GYG2: variants seen among roughly 807,000 people sequenced by gnomAD.
GYG2 encodes glycogenin-2.
Under a neutral mutation model 29.4 loss-of-function variants are expected in GYG2, and 29 were observed. The observed-to-expected ratio is 0.99, with a 90% CI of 0.74 to 1.35. The LOEUF is 1.35. Ranked by LOEUF, GYG2 falls within the 40% of genes most tolerant of loss-of-function variation. GYG2 has a pLI of 0.00. For missense variants in GYG2, 370 were observed against 385.7 expected, an observed-to-expected ratio of 0.96 and a Z score of 0.34; for synonymous variants, 167 against 172.3, an observed-to-expected ratio of 0.97 and a Z score of 0.24.
intron 7 of GYG2, among the ~76,000 whole-genome samples, chrX:2,860,922 GT>G (rs2088147933): frequency 9.1e-6 from 1 of 109,895 alleles, no homozygotes; most frequent in Admixed American, 9.7e-5. Flanking sequence ...TGGAGACGGG[GT>G]TTTGCCACGT....
chrX:2,877,499 G>A (rs1281227862), intron 10 of GYG2, 192 bp downstream of exon 10: 2 of 1,049,370 alleles, frequency 1.9e-6, no homozygotes, highest in South Asian at 2.9e-5. Context: ...GTGATCGGCC[G>A]ACTCTCTTTT....
chrX:2,873,542 T>TCTCCTC (rs893899518), intron 8 of GYG2, among the ~76,000 whole-genome samples: 5 of 109,864 alleles, frequency 4.6e-5, no homozygotes, highest in Non-Finnish European at 9.5e-5. Flanking sequence ...TCCTCCTCTT[T>TCTCCTC]CTCCTCCTCC....
chrX:2,871,552 T>C (rs902736478), intron 8 of GYG2, among the ~76,000 whole-genome samples: 4 of 110,189 alleles, frequency 3.6e-5, no homozygotes, highest in Admixed American at 9.7e-5. Flanking sequence ...TAGCTAGGCA[T>C]GGTGGCACGT....
Position 2,881,527 on chromosome X carries a change from G to A in GYG2, c.*314G>A, listed in dbSNP as rs1433978582. On this transcript the variant is annotated 3_prime_UTR_variant, in exon 11 of 11. Transcript: ENST00000398806. ...TCGATGGTGGTCTCCGCTCTTGCCC[G>A]AAGGACCTCTGAAGTACGCTGGAGC... The A allele has an allele frequency of 3.5e-5, 7 of 202,221 alleles. No homozygotes were observed. The highest frequency in any genetic ancestry group is 1.4e-4 in the South Asian group (1 of 6,985). The allele number at this position is 202,221 out of a possible 1,213,427, so 16.7% of individuals were successfully genotyped here. A position where few individuals can be genotyped will look rare whatever the true frequency, so the allele number is the denominator to read the frequency against.
intron 5 of GYG2, 134 bp downstream of exon 5, chrX:2,855,289 G>A (rs1369744634): frequency 3.7e-6 from 2 of 542,144 alleles, no homozygotes; most frequent in Non-Finnish European, 6.0e-6. Context: ...GAAATGTGTT[G>A]TTAAGTGATT....
At chrX:2,877,576 A>G (rs1477423540) in intron 10 of GYG2, 11 of 908,083 alleles carry the variant, frequency 1.2e-5, no homozygotes, top group Non-Finnish European at 1.4e-5. Context: ...AGGGATCAGG[A>G]GGGAAGTTGA....
chrX:2,847,733 A>AATAAATAC (rs2087773373), intron 3 of GYG2, among the ~76,000 whole-genome samples: 2 of 105,028 alleles, frequency 1.9e-5, no homozygotes, highest in African/African-American at 7.3e-5. Context: ...TAAATAAATA[A>AATAAATAC]ATAAATAAAT....
At position 2,856,611 on chromosome X, in the gene GYG2, C is replaced by A; in HGVS notation, c.601C>A (p.Pro201Thr). The change falls in exon 6 of 11, where the codon CCT becomes ACT. Residue 201 changes from proline (P) to threonine (T), a missense_variant. Pro to Thr is a conservative substitution (Grantham distance 38). Coordinates refer to ENST00000398806, the MANE Select transcript of GYG2 (RefSeq NM_001079855.2). ...TAGTAACACGATGTACACTTACAGC[C>A]CTGCCTTCAAGCAGTAAGTTCTCCA... The part of the protein sequence containing the change: ...LSSNTMYTYS[P>T]AFKQFGSSAK... 2 of 1,205,345 alleles carry A rather than the reference C, an allele frequency of 1.7e-6. No individual in the cohort carries two copies. The highest frequency in any genetic ancestry group is 2.2e-6 in the Non-Finnish European group (2 of 891,518).
chrX:2,832,132 A>G (rs1484282573), intron 2 of GYG2, among the ~76,000 whole-genome samples: 1 of 112,837 alleles, frequency 8.9e-6, no homozygotes, highest in Non-Finnish European at 1.9e-5. Flanking sequence ...CTGTCAATCA[A>G]TGTTTCATCT....
At chrX:2,831,658 G>C (rs1357543913) in intron 2 of GYG2, among the ~76,000 whole-genome samples, 1 of 111,766 alleles carries the variant, frequency 8.9e-6, no homozygotes, top group South Asian at 3.8e-4. Flanking sequence ...CATTCAAGAC[G>C]GACATTCGCA....
intron 4 of GYG2, among the ~76,000 whole-genome samples, chrX:2,854,551 G>A (rs1030249019): frequency 4.5e-5 from 5 of 111,947 alleles, no homozygotes; most frequent in Non-Finnish European, 9.4e-5. Context: ...AGACCCTGCT[G>A]AAGAGAACAG....
intron 2 of GYG2, among the ~76,000 whole-genome samples, chrX:2,842,556 T>G (rs1442972856): frequency 9.0e-6 from 1 of 111,102 alleles, no homozygotes; most frequent in African/African-American, 3.3e-5. Flanking sequence ...CATCAAGCCA[T>G]CACTTCCACT....
intron 4 of GYG2, 71 bp downstream of exon 4, chrX:2,854,225 C>CTTT: frequency 2.7e-6 from 2 of 748,269 alleles, no homozygotes; most frequent in Non-Finnish European, 3.8e-6. Flanking sequence ...AGGCTGTCAA[C>CTTT]TTTTTTTTGT....
At chrX:2,840,724 TAGAG>T (rs762799382) in intron 2 of GYG2, among the ~76,000 whole-genome samples, 38 of 109,917 alleles carry the variant, frequency 3.5e-4, no homozygotes, top group African/African-American at 1.2e-3. Context: ...AGATGATAGG[TAGAG>T]AGATGATGGA....
chrX:2,846,680 G>A (rs770115963), intron 3 of GYG2, among the ~76,000 whole-genome samples: 1 of 111,574 alleles, frequency 9.0e-6, no homozygotes, highest in African/African-American at 3.3e-5. Context: ...AGAGGTTCGA[G>A]GCTGTAGTGA....
intron 8 of GYG2, among the ~76,000 whole-genome samples, chrX:2,873,439 G>C (rs191045857): frequency 1.1e-3 from 125 of 111,837 alleles, no homozygotes; most frequent in Admixed American, 2.0e-3. Context: ...ATGCTTTGCT[G>C]TATGTATACA....
intron 10 of GYG2, chrX:2,878,099 G>A (rs1440987152): frequency 1.3e-6 from 1 of 746,502 alleles, no homozygotes; most frequent in African/African-American, 2.3e-5. Flanking sequence ...TTATAAACAT[G>A]TGAATGTATC....
chrX:2,851,580 G>C (rs1217274814), intron 3 of GYG2, among the ~76,000 whole-genome samples: 1 of 111,319 alleles, frequency 9.0e-6, no homozygotes, highest in East Asian at 2.8e-4. Context: ...CTCATGATTA[G>C]ACTGAGGTTA....
chrX:2,859,310 C>T (rs2088097996), intron 6 of GYG2, among the ~76,000 whole-genome samples: 1 of 109,287 alleles, frequency 9.2e-6, no homozygotes, highest in Admixed American at 9.9e-5. Context: ...TATTATTGAT[C>T]ACACATTGAT....
Sources: gnomAD v4.1 joint callset for allele counts (sites outside exome capture counted in the v4.1 genomes callset) on GRCh38, gnomAD v4.1.1 for gene constraint, MANE v1.5 for transcripts, NCBI Gene and HGNC (gene_info 2026-07-23, HGNC 2026-07-21) for gene names.